Variants in CHRNA4 observed in about 807,000 individuals in gnomAD.
CHRNA4 encodes neuronal acetylcholine receptor subunit alpha-4.
In CHRNA4, 28 loss-of-function variants were observed where a neutral mutation model predicts 48.9. That is an observed-to-expected ratio of 0.57 (90% CI 0.42 to 0.79). The LOEUF (loss-of-function observed/expected upper bound fraction) is 0.79, where lower values mean the gene tolerates loss of function less well. Ranked by LOEUF, CHRNA4 falls within the 30% of genes least tolerant of loss-of-function variation. The pLI is 0.00. For missense variants in CHRNA4, 859 were observed against 898.4 expected (o/e 0.96, Z 0.56); for synonymous variants, 425 against 402.3 (o/e 1.06, Z -0.68).
At position 63,346,974 on chromosome 20, in the gene CHRNA4, C is replaced by A. The variant is rs182964504; in HGVS notation, c.1759-111G>T. Reference sequence around the variant, plus strand: ...GCTTCTCCACCTCCCACCTTCCACCCGAGGCAGCCATTGCTGCTGGTGCAC... The same window carrying A: ...GCTTCTCCACCTCCCACCTTCCACCAGAGGCAGCCATTGCTGCTGGTGCAC... On this transcript the variant is annotated intron_variant, in intron 5 of 5. Coordinates refer to ENST00000370263, the MANE Select transcript of CHRNA4 (RefSeq NM_000744.7). The A allele has an allele frequency of 1.6e-4, 248 of 1,525,002 alleles. 1 individual carries two copies. In the East Asian group the frequency reaches 4.3e-3, roughly 26 times the overall value. The allele number at this position is 1,525,002 out of a possible 1,614,324, so 94.5% of individuals were successfully genotyped here.
intron 5 of CHRNA4, among the ~76,000 whole-genome samples, chr20:63,347,133 G>A (rs1408004690): frequency 1.3e-5 from 2 of 152,216 alleles, no homozygotes; most frequent in Non-Finnish European, 2.9e-5. Context: ...AGACCCCCTT[G>A]TGGAGACAAG....
At position 63,346,880 on chromosome 20, in the gene CHRNA4, C is replaced by T. The variant is rs201735615; in HGVS notation, c.1759-17G>A. 5.3e-5 allele frequency: 85 copies of T among 1,612,048 alleles called. No individual in the cohort carries two copies. The highest frequency in any genetic ancestry group is 2.7e-4 in the East Asian group (12 of 44,868). ...CTCCTTCACCTGCAAGCACAGACGC[C>T]GTCACTCCAGCACGGCCCGGCCGCC... On this transcript the variant is annotated splice_polypyrimidine_tract_variant and intron_variant, in intron 5 of 5. Transcript: ENST00000370263.
intron 2 of CHRNA4, among the ~76,000 whole-genome samples, chr20:63,357,299 TCC>T (rs2068736708): frequency 1.2e-4 from 2 of 16,028 alleles, no homozygotes; most frequent in Admixed American, 1.3e-3. Context: ...CAGGACCTCA[TCC>T]CCTCAGGACC....
In CHRNA4 at chr20:63,345,953, C is replaced by A. The variant is rs1285197430; in HGVS notation, c.*785G>T. The A allele has an allele frequency of 2.2e-6, 1 of 453,982 alleles. No homozygotes were observed. Among genetic ancestry groups the A allele is most frequent in the Non-Finnish European group, 4.4e-6 (1 of 226,764 alleles). The allele number at this position is 453,982 out of a possible 1,614,324, so 28.1% of individuals were successfully genotyped here. ...CTGGCCACCTGCCAGAGCCCTGGCC[C>A]TACGCCTGGAAGGCAGAGTCCTGGT... On this transcript the variant is annotated 3_prime_UTR_variant, in exon 6 of 6. Transcript: ENST00000370263. This position sits in a 1 kb window ranked among gnomAD's most constrained non-coding sequence, Gnocchi z 5.4.
Position 63,356,013 on chromosome 20 carries a change from G to A in CHRNA4, c.345C>T (p.Ser115=), listed in dbSNP as rs201033859. 95 of 1,611,404 alleles carry A rather than the reference G, an allele frequency of 5.9e-5. 1 individual carries two copies. The highest frequency in any genetic ancestry group is 5.6e-4 in the South Asian group (51 of 90,948). The change falls in exon 4 of 6, where the codon TCC becomes TCT. Residue 115 remains serine, a synonymous_variant. Transcript: ENST00000370263. The part of the protein sequence containing the change: ...YENVTSIRIP[S]ELIWRPDIVL... ...CGATGTCCGGCCGCCAGATGAGCTCGGAGGGGATGCGGATGGAGGTGACAT... is the reference window on the plus strand; with the variant it reads ...CGATGTCCGGCCGCCAGATGAGCTCAGAGGGGATGCGGATGGAGGTGACAT...
chr20:63,343,602 C>G lies in CHRNA4; in HGVS notation c.*3136G>C, dbSNP rs1161179459. 1 of 453,936 alleles carries G rather than the reference C, an allele frequency of 2.2e-6. No homozygotes were observed. Among genetic ancestry groups the G allele is most frequent in the Non-Finnish European group, 4.4e-6 (1 of 226,734 alleles). 28.1% of individuals were successfully genotyped at this position (453,936 alleles called of 1,614,324 possible). A position where few individuals can be genotyped will look rare whatever the true frequency, so the allele number is the denominator to read the frequency against. Reference sequence around the variant, plus strand: ...AGCCATTGAGAGATTACCACGCTTCCTGAGAGGAGGGCCACGTCGCCCCAG... The same window carrying G: ...AGCCATTGAGAGATTACCACGCTTCGTGAGAGGAGGGCCACGTCGCCCCAG... On this transcript the variant is annotated 3_prime_UTR_variant, in exon 6 of 6. Coordinates refer to ENST00000370263, the MANE Select transcript of CHRNA4 (RefSeq NM_000744.7).
chr20:63,348,457 A>C (rs896360779), intron 5 of CHRNA4, among the ~76,000 whole-genome samples: 2 of 152,050 alleles, frequency 1.3e-5, no homozygotes, highest in Non-Finnish European at 2.9e-5. Context: ...CAACTCCCTC[A>C]CTTTTCATGG....
chr20:63,352,098 C>T (rs2068624850), intron 4 of CHRNA4, among the ~76,000 whole-genome samples: 1 of 152,162 alleles, frequency 6.6e-6, no homozygotes, highest in South Asian at 2.1e-4. Flanking sequence ...GAGCGGCTGC[C>T]CAGCCACACA....
In CHRNA4 at chr20:63,346,780, C is replaced by G; in HGVS notation, c.1842G>C (p.Thr614=). 6.2e-7 allele frequency: 1 copy of G among 1,612,264 alleles called. No homozygotes were observed. The highest frequency in any genetic ancestry group is 8.5e-7 in the Non-Finnish European group (1 of 1,179,698). The change falls in exon 6 of 6, where the codon ACG becomes ACC. Residue 614 remains threonine, a synonymous_variant. Coordinates refer to ENST00000370263, the MANE Select transcript of CHRNA4 (RefSeq NM_000744.7). ...GCCAGGGCGGCAGGAAGAGGCCCACCGTCCCCAGCAGGCAGACGATGATGA... is the reference window on the plus strand; with the variant it reads ...GCCAGGGCGGCAGGAAGAGGCCCACGGTCCCCAGCAGGCAGACGATGATGA... ...WMFIIVCLLG[T]VGLFLPPWLA... is the part of the protein sequence containing the mutation.
rs2035602253 is a variant in CHRNA4 at position 63,345,496 on chromosome 20, C to T, written c.*1242G>A. The T allele has an allele frequency of 1.5e-5, 6 of 393,424 alleles. No homozygotes were observed. Among genetic ancestry groups the T allele is most frequent in the Middle Eastern group, 8.5e-4 (1 of 1,180 alleles). 24.4% of individuals were successfully genotyped at this position (393,424 alleles called of 1,614,324 possible). A position where few individuals can be genotyped will look rare whatever the true frequency, so the allele number is the denominator to read the frequency against. ...GCGCCATCTTTAGGGGGTGCACTGC[C>T]GGGCTCCAGGGTCATGCCTGGAAAC... On this transcript the variant is annotated 3_prime_UTR_variant, in exon 6 of 6. Transcript: ENST00000370263. This position sits in a 1 kb window ranked among gnomAD's most constrained non-coding sequence, Gnocchi z 5.4.
chr20:63,355,459 G>A (rs1156445780), intron 4 of CHRNA4: 3 of 1,182,316 alleles, frequency 2.5e-6, no homozygotes, highest in Admixed American at 2.3e-5. Flanking sequence ...GAAAGCAGAG[G>A]CCCTAGTGGC....
Position 63,350,484 on chromosome 20 carries a change from G to A in CHRNA4, c.927C>T (p.Tyr309=). 1.2e-6 allele frequency: 2 copies of A among 1,613,962 alleles called. No homozygotes were observed. The highest frequency in any genetic ancestry group is 1.1e-5 in the South Asian group (1 of 91,078). ...TGACGAAGATCATGGTGAACAGCAG[G>A]TACTCGCCGATGAGTGGGATGACCA... is the stretch of plus-strand genomic sequence containing the variant. The part of the protein sequence containing the change: ...TSLVIPLIGE[Y]LLFTMIFVTL... The change falls in exon 5 of 6, where the codon TAC becomes TAT. Residue 309 remains tyrosine (Y), a synonymous_variant. Transcript: ENST00000370263.
Position 63,343,939 on chromosome 20 carries a change from C to T in CHRNA4, c.*2799G>A, listed in dbSNP as rs1237105706. On this transcript the variant is annotated 3_prime_UTR_variant, in exon 6 of 6. Transcript: ENST00000370263. ...CTAACTGGCCCTAGGAGGAGCAGTC[C>T]TGGGTCTGAAAGATGTTAAAACATT... is the stretch of plus-strand genomic sequence containing the variant. The T allele has an allele frequency of 4.4e-6, 2 of 453,996 alleles. No homozygotes were observed. Among genetic ancestry groups the T allele is most frequent in the African/African-American group, 2.0e-5 (1 of 49,990 alleles). 28.1% of individuals were successfully genotyped at this position (453,996 alleles called of 1,614,324 possible).
At chr20:63,359,443 G>T in intron 2 of CHRNA4, 105 bp downstream of exon 2, 1 of 1,453,430 alleles carries the variant, frequency 6.9e-7, no homozygotes, top group Non-Finnish European at 9.5e-7. Flanking sequence ...GACACTCACA[G>T]CCACGGGGAG....
rs79739740 is a variant in CHRNA4, at chr20:63,361,115, C to G, written c.51G>C (p.Leu17=). ...GAPRLLPPLL[L]LLGTGLLRAS... ...CGCGCAGGAGGCCGGTCCCCAGAAGCAGCAGCAGCGGCGGCAGCAGCCGCG... is the reference window on the plus strand; with the variant it reads ...CGCGCAGGAGGCCGGTCCCCAGAAGGAGCAGCAGCGGCGGCAGCAGCCGCG... Residue 17 remains leucine (L), a synonymous_variant, in exon 1 of 6, where the codon CTG becomes CTC. Transcript: ENST00000370263. 2.0e-6 allele frequency: 3 copies of G among 1,477,418 alleles called. No individual in the cohort carries two copies. Among genetic ancestry groups the G allele is most frequent in the Non-Finnish European group, 2.7e-6 (3 of 1,120,014 alleles). The allele number at this position is 1,477,418 out of a possible 1,614,324, so 91.5% of individuals were successfully genotyped here. A position where few individuals can be genotyped will look rare whatever the true frequency, so the allele number is the denominator to read the frequency against.
In CHRNA4 at chr20:63,350,217, G is replaced by A. The variant is rs752592838; in HGVS notation, c.1194C>T (p.Thr398=). 3 of 1,605,926 alleles carry A rather than the reference G, an allele frequency of 1.9e-6. No homozygotes were observed. In the East Asian group the frequency reaches 6.7e-5, roughly 36 times the overall value. ...PEGEPPATSG[T]QSLHPPSPSF... The stretch of plus-strand genomic sequence containing the variant: ...ACGGTGAGGGCGGGTGCAGGCTCTG[G>A]GTGCCGCTCGTGGCAGGGGGCTCCC... The change falls in exon 5 of 6, where the codon ACC becomes ACT. Residue 398 remains threonine (T), a synonymous_variant. Transcript: ENST00000370263.
rs546178489 is a variant in CHRNA4, at chr20:63,343,664, G to A, written c.*3074C>T. 3.1e-5 allele frequency: 14 copies of A among 448,494 alleles called. No homozygotes were observed. Among genetic ancestry groups the A allele is most frequent in the African/African-American group, 2.8e-4 (14 of 49,934 alleles). The allele number at this position is 448,494 out of a possible 1,614,324, so 27.8% of individuals were successfully genotyped here. A position where few individuals can be genotyped will look rare whatever the true frequency, so the allele number is the denominator to read the frequency against. Reference sequence around the variant, plus strand: ...CGGGAAGCACCCAGGCCGGTCCGGAGGCAGAAGGGGCTGGGAAGCCCTGGC... The same window carrying A: ...CGGGAAGCACCCAGGCCGGTCCGGAAGCAGAAGGGGCTGGGAAGCCCTGGC... On this transcript the variant is annotated 3_prime_UTR_variant, in exon 6 of 6. Coordinates refer to ENST00000370263, the MANE Select transcript of CHRNA4 (RefSeq NM_000744.7).
chr20:63,345,302 C>A lies in CHRNA4; in HGVS notation c.*1436G>T, dbSNP rs1568803153. The A allele has an allele frequency of 2.2e-6, 1 of 453,598 alleles. No individual in the cohort carries two copies. The highest frequency in any genetic ancestry group is 2.0e-5 in the African/African-American group (1 of 50,100). 28.1% of individuals were successfully genotyped at this position (453,598 alleles called of 1,614,324 possible). Reference sequence around the variant, plus strand: ...TGGGGGCAGCAGAATGTGGACCACTCAGCAGGAGGCTTCCTGACTGTCTCC... The same window carrying A: ...TGGGGGCAGCAGAATGTGGACCACTAAGCAGGAGGCTTCCTGACTGTCTCC... On this transcript the variant is annotated 3_prime_UTR_variant, in exon 6 of 6. Coordinates refer to ENST00000370263, the MANE Select transcript of CHRNA4 (RefSeq NM_000744.7). This position sits in a 1 kb window ranked among gnomAD's most constrained non-coding sequence, Gnocchi z 5.4.
chr20:63,355,328 C>A, intron 4 of CHRNA4: 1 of 384,494 alleles, frequency 2.6e-6, no homozygotes, highest in South Asian at 2.1e-5. Context: ...AAACCCGTTT[C>A]CATGACCAGA....
Sources: gnomAD v4.1 joint callset for allele counts (sites outside exome capture counted in the v4.1 genomes callset) on GRCh38, gnomAD v4.1.1 for gene constraint, Gnocchi (gnomAD v3.1) non-coding constraint, MANE v1.5 for transcripts, NCBI Gene and HGNC (gene_info 2026-07-23, HGNC 2026-07-21) for gene names.